The following TUNAR variants were observed in gnomAD, a reference collection of about 807,000 sequenced individuals.
TUNAR encodes transmembrane neural differentiation associated intracellular calcium regulator.
At chr14:95,907,640 G>T (rs1221779855) in intron 2 of TUNAR, among the ~76,000 whole-genome samples, 1 of 152,198 alleles carries the variant, frequency 6.6e-6, no homozygotes, top group Non-Finnish European at 1.5e-5. Flanking sequence ...CAGCTCAGAG[G>T]AGATCTGCAA....
intron 2 of TUNAR, among the ~76,000 whole-genome samples, chr14:95,879,715 T>TTC (rs1354333655): frequency 6.6e-6 from 1 of 152,166 alleles, no homozygotes; most frequent in Non-Finnish European, 1.5e-5. Context: ...CAGTTTTTTT[T>TTC]TTTCTGTAAG....
intron 2 of TUNAR, among the ~76,000 whole-genome samples, chr14:95,909,416 T>C (rs1320326751): frequency 1.3e-5 from 2 of 151,772 alleles, no homozygotes; most frequent in Non-Finnish European, 2.9e-5. Flanking sequence ...CCCGAGTAGC[T>C]GGGACTTCGG....
intron 2 of TUNAR, among the ~76,000 whole-genome samples, chr14:95,905,804 G>C (rs923422212): frequency 1.3e-5 from 2 of 152,040 alleles, no homozygotes; most frequent in African/African-American, 2.4e-5. Flanking sequence ...GTTTCTCTCT[G>C]TCTTTGTAGT....
chr14:95,923,086 C>G (rs1889724192), exon 3 of TUNAR: 2 of 397,672 alleles, frequency 5.0e-6, no homozygotes, highest in Non-Finnish European at 8.9e-6. Flanking sequence ...ACCACCCAAT[C>G]AAATGCACCT....
intron 2 of TUNAR, among the ~76,000 whole-genome samples, chr14:95,900,905 T>C (rs1889342771): frequency 6.6e-6 from 1 of 152,184 alleles, no homozygotes; most frequent in South Asian, 2.1e-4. Context: ...TGTAGCTCAT[T>C]TATGTGCGGT....
intron 2 of TUNAR, among the ~76,000 whole-genome samples, chr14:95,921,554 C>T (rs1443479539): frequency 6.6e-6 from 1 of 152,152 alleles, no homozygotes; most frequent in Non-Finnish European, 1.5e-5. Context: ...CAATACATAC[C>T]ATGCATACAA....
chr14:95,916,971 C>T (rs1427408085), intron 2 of TUNAR, among the ~76,000 whole-genome samples: 10 of 152,288 alleles, frequency 6.6e-5, no homozygotes, highest in African/African-American at 2.2e-4. Context: ...TTTTCCTACT[C>T]ATTTGAGACT....
At chr14:95,911,043 T>C (rs1417043095) in intron 2 of TUNAR, among the ~76,000 whole-genome samples, 1 of 152,194 alleles carries the variant, frequency 6.6e-6, no homozygotes, top group African/African-American at 2.4e-5. Flanking sequence ...TATGTGTGAT[T>C]GAAAAAATAA....
At chr14:95,913,034 G>A (rs553826269) in intron 2 of TUNAR, among the ~76,000 whole-genome samples, 25 of 151,556 alleles carry the variant, frequency 1.6e-4, no homozygotes, top group Non-Finnish European at 3.1e-4. Flanking sequence ...CTCGTGATCC[G>A]CCCGCCTCGG....
chr14:95,907,985 G>A (rs899832590), intron 2 of TUNAR, among the ~76,000 whole-genome samples: 2 of 152,162 alleles, frequency 1.3e-5, no homozygotes, highest in African/African-American at 4.8e-5. Context: ...GTTGGTCCAT[G>A]GGCAGCCATG....
intron 2 of TUNAR, among the ~76,000 whole-genome samples, chr14:95,885,566 A>G (rs1889063319): frequency 6.6e-6 from 1 of 152,272 alleles, no homozygotes; most frequent in South Asian, 2.1e-4. Context: ...GAGCAGAAGC[A>G]CAGAGGCCTG....
intron 2 of TUNAR, among the ~76,000 whole-genome samples, chr14:95,877,571 G>A (rs1888909499): frequency 6.6e-6 from 1 of 152,168 alleles, no homozygotes; most frequent in Admixed American, 6.5e-5. Flanking sequence ...TGGCCCAGAT[G>A]AGGAAACTGA....
chr14:95,881,672 T>C (rs545489513), intron 2 of TUNAR, among the ~76,000 whole-genome samples: 1 of 152,330 alleles, frequency 6.6e-6, no homozygotes, highest in South Asian at 2.1e-4. Flanking sequence ...GATGCCGTCG[T>C]AGCTGATGTT....
intron 2 of TUNAR, among the ~76,000 whole-genome samples, chr14:95,880,234 A>G (rs1888959155): frequency 6.6e-6 from 1 of 152,112 alleles, no homozygotes; most frequent in South Asian, 2.1e-4. Context: ...GGTTATTAAT[A>G]CCTCCAGAAT....
chr14:95,881,441 C>T (rs968403775), intron 2 of TUNAR, among the ~76,000 whole-genome samples: 1 of 152,108 alleles, frequency 6.6e-6, no homozygotes, highest in Non-Finnish European at 1.5e-5. Flanking sequence ...GGCTGCTCCT[C>T]CTGAAAAAGG....
chr14:95,878,926 C>T (rs1362259863), intron 2 of TUNAR, among the ~76,000 whole-genome samples: 4 of 152,174 alleles, frequency 2.6e-5, no homozygotes, highest in South Asian at 2.1e-4. Context: ...CAAAAATAAT[C>T]AATCATATTT....
intron 2 of TUNAR, among the ~76,000 whole-genome samples, chr14:95,908,948 G>A (rs905696536): frequency 6.6e-6 from 1 of 152,142 alleles, no homozygotes; most frequent in Non-Finnish European, 1.5e-5. Flanking sequence ...GCAGGTAGGC[G>A]GGGGGTGACG....
At chr14:95,886,960 T>C (rs1889088291) in intron 2 of TUNAR, among the ~76,000 whole-genome samples, 2 of 152,146 alleles carry the variant, frequency 1.3e-5, no homozygotes, top group African/African-American at 4.8e-5. Context: ...GGCCTTTTGT[T>C]TGCTTCTTGG....
intron 2 of TUNAR, among the ~76,000 whole-genome samples, chr14:95,878,781 T>C (rs143764970): frequency 6.2e-4 from 94 of 152,230 alleles, no homozygotes; most frequent in Middle Eastern, 6.8e-3. Context: ...AGCTACCAGA[T>C]TGGGGTTGTG....
Sources: allele counts gnomAD v4.1 joint callset (sites outside exome capture counted in the v4.1 genomes callset), GRCh38; gene constraint gnomAD v4.1.1; transcripts MANE v1.5; gene names NCBI Gene and HGNC (gene_info 2026-07-23, HGNC 2026-07-21).